The following TLX3 variants were observed in gnomAD, a reference collection of about 807,000 sequenced individuals.
The protein encoded by TLX3 is T cell leukemia homeobox 3.
TLX3 carries 11 observed loss-of-function variants against 19.6 expected under a neutral mutation model. The observed-to-expected ratio is 0.56, with a 90% CI of 0.35 to 0.93. TLX3 has a LOEUF of 0.93. TLX3 is among the 40% of genes least tolerant of loss of function. The pLI, the probability that TLX3 is intolerant of heterozygous loss-of-function variation, is 0.01. For missense variants in TLX3, 375 were observed against 418.6 expected (o/e 0.90, Z 0.91); for synonymous variants, 221 against 188.1 (o/e 1.17, Z -1.43).
chr5:171,310,738 A>G (rs1323169538), intron 2 of TLX3, among the ~76,000 whole-genome samples: 34 of 107,768 alleles, frequency 3.2e-4, no homozygotes, highest in Admixed American at 2.4e-3. Flanking sequence ...ACAGGCACAC[A>G]CACACACACA....
chr5:171,309,805 C>T lies in TLX3; in HGVS notation c.421+19C>T, dbSNP rs777666818. On this transcript the variant is annotated intron_variant, in intron 1 of 2. Coordinates refer to ENST00000296921, the MANE Select transcript of TLX3 (RefSeq NM_021025.4). ...TTCACAGGTGAGCAGAGCTGGCGAC[C>T]AGGCTCCAGGCCTCCGCCCTCTCGG... 1.9e-6 allele frequency: 3 copies of T among 1,565,060 alleles called. No individual in the cohort carries two copies. Among genetic ancestry groups the T allele is most frequent in the South Asian group, 1.2e-5 (1 of 84,518 alleles).
chr5:171,309,872 C>T, intron 1 of TLX3, 86 bp downstream of exon 1: 1 of 1,447,724 alleles, frequency 6.9e-7, no homozygotes, highest in South Asian at 1.4e-5. Context: ...TCCCGGAAAC[C>T]ATTTCAGAGG....
At position 171,310,364 on chromosome 5, in the gene TLX3, C is replaced by T; in HGVS notation, c.636C>T (p.Thr212=). The T allele has an allele frequency of 6.2e-7, 1 of 1,613,854 alleles. No homozygotes were observed. The highest frequency in any genetic ancestry group is 8.5e-7 in the Non-Finnish European group (1 of 1,179,954). Residue 212 remains threonine, a synonymous_variant, in exon 2 of 3, where the codon ACC becomes ACT. Transcript: ENST00000296921. ...SLKMTDAQVK[T]WFQNRRTKWR... The stretch of plus-strand genomic sequence containing the variant: ...AAATGACGGACGCGCAGGTCAAGAC[C>T]TGGTTCCAAAACCGGAGGACCAAGT...
intron 1 of TLX3, 144 bp from the exon 2 acceptor site, chr5:171,310,006 G>T: frequency 2.9e-6 from 4 of 1,371,494 alleles, no homozygotes; most frequent in South Asian, 3.0e-5. Context: ...GGGGTCTCCC[G>T]ACCGGCTTGG....
rs918472 is a variant in TLX3, at chr5:171,311,832, G to A, written c.*233G>A. 231,243 of 355,182 alleles carry A rather than the reference G, an allele frequency of 0.65. 79,109 individuals are homozygous for A. Among genetic ancestry groups the A allele is most frequent in the East Asian group, 0.77 (18,211 of 23,534 alleles). The allele number at this position is 355,182 out of a possible 1,614,324, so 22.0% of individuals were successfully genotyped here. A position where few individuals can be genotyped will look rare whatever the true frequency, so the allele number is the denominator to read the frequency against. ...CCGCGCCCCGTCCCGCCCCAGGCCC[G>A]GGCCTGACAAGAAAGCGCCTTACGT... On this transcript the variant is annotated 3_prime_UTR_variant, in exon 3 of 3. Transcript: ENST00000296921. The surrounding 1 kb of genome is among the most constrained non-coding windows in gnomAD (Gnocchi z 5.1).
rs765230540 is a variant in TLX3 at position 171,309,769 on chromosome 5, T to C, written c.404T>C (p.Val135Ala). ...TGGATGGAGAGCAGCCGCCGCTTCG[T>C]GAAAGACCGCTTCACAGGTGAGCAG... is the stretch of plus-strand genomic sequence containing the variant. Reference protein sequence around the residue: ...FPWMESSRRFVKDRFTAAAAL... With the variant: ...FPWMESSRRFAKDRFTAAAAL... The change falls in exon 1 of 3, where the codon GTG becomes GCG. Residue 135 changes from valine to alanine, a missense_variant. Physicochemically the swap from Val to Ala is moderately conservative, Grantham distance 64. Transcript: ENST00000296921. 5 of 1,605,488 alleles carry C rather than the reference T, an allele frequency of 3.1e-6. No homozygotes were observed. In the South Asian group the frequency reaches 3.3e-5, roughly 11 times the overall value.
chr5:171,311,379 C>T lies in TLX3; in HGVS notation c.666-10C>T. 6.5e-7 allele frequency: 1 copy of T among 1,549,890 alleles called. No individual in the cohort carries two copies. The highest frequency in any genetic ancestry group is 8.7e-7 in the Non-Finnish European group (1 of 1,147,284). ...ATGACGGTACTGTCCCTCTCCCTCC[C>T]CCGGTGCAGGCGGCAGACGGCGGAG... On this transcript the variant is annotated splice_polypyrimidine_tract_variant and intron_variant, in intron 2 of 2. Transcript: ENST00000296921. The surrounding 1 kb of genome is among the most constrained non-coding windows in gnomAD (Gnocchi z 5.1).
In TLX3 at chr5:171,311,985, CG is replaced by C; in HGVS notation, c.*391del. The stretch of plus-strand genomic sequence containing the variant: ...AGAAACCGGCCACCTGCTTCCCCCG[CG>C]GGGGCCGCTGGAGGAAGGGCAGCCG... On this transcript the variant is annotated 3_prime_UTR_variant, in exon 3 of 3. Coordinates refer to ENST00000296921, the MANE Select transcript of TLX3 (RefSeq NM_021025.4). This position sits in a 1 kb window ranked among gnomAD's most constrained non-coding sequence, Gnocchi z 5.1. The C allele has an allele frequency of 1.0e-5, 2 of 194,208 alleles. No homozygotes were observed. Among genetic ancestry groups the C allele is most frequent in the East Asian group, 1.6e-4 (2 of 12,726 alleles). The allele number at this position is 194,208 out of a possible 1,614,324, so 12.0% of individuals were successfully genotyped here. A position where few individuals can be genotyped will look rare whatever the true frequency, so the allele number is the denominator to read the frequency against.
rs1303439810 is a variant in TLX3 at position 171,311,463 on chromosome 5, C to A, written c.740C>A (p.Ala247Asp). The A allele has an allele frequency of 6.2e-7, 1 of 1,604,106 alleles. No homozygotes were observed. The highest frequency in any genetic ancestry group is 8.5e-7 in the Non-Finnish European group (1 of 1,175,650). Residue 247 changes from alanine (A) to aspartate (D), a missense_variant, in exon 3 of 3, where the codon GCC becomes GAC. Transcript: ENST00000296921. The surrounding 1 kb of genome is among the most constrained non-coding windows in gnomAD (Gnocchi z 5.1). The part of the protein sequence containing the change: ...SRLMLQLQHD[A>D]FQKSLNDSIQ... ...CTCATGCTGCAGCTGCAACACGACG[C>A]CTTCCAAAAGAGCCTCAACGACTCC...
Position 171,309,623 on chromosome 5 carries a change from C to T in TLX3, c.258C>T (p.Gly86=), listed in dbSNP as rs1473061548. The change falls in exon 1 of 3, where the codon GGC becomes GGT. Residue 86 remains glycine (G), a synonymous_variant. Transcript: ENST00000296921. ...TGAACCTGAGCCTAGCGCCCGCAGG[C>T]GTGATCCGGGTGCCGGCGCACAGGC... ...YSVNLSLAPA[G]VIRVPAHRPL... is the part of the protein sequence containing the mutation. 1.9e-6 allele frequency: 3 copies of T among 1,607,644 alleles called. No homozygotes were observed. Among genetic ancestry groups the T allele is most frequent in the Non-Finnish European group, 2.5e-6 (3 of 1,177,874 alleles).
intron 2 of TLX3, among the ~76,000 whole-genome samples, 170 bp downstream of exon 2, chr5:171,310,563 C>T (rs1041349929): frequency 6.7e-6 from 1 of 149,082 alleles, no homozygotes; most frequent in African/African-American, 2.5e-5. Flanking sequence ...TTCCTTTCAC[C>T]CTTCTCGCTG....
rs1043033043 is a variant in TLX3 at position 171,311,765 on chromosome 5, A to G, written c.*166A>G. The G allele has an allele frequency of 3.4e-3, 1,657 of 481,622 alleles. 26 individuals carry two copies. The highest frequency in any genetic ancestry group is 0.031 in the African/African-American group (1,516 of 48,344). The allele number at this position is 481,622 out of a possible 1,614,324, so 29.8% of individuals were successfully genotyped here. On this transcript the variant is annotated 3_prime_UTR_variant, in exon 3 of 3. Coordinates refer to ENST00000296921, the MANE Select transcript of TLX3 (RefSeq NM_021025.4). This position sits in a 1 kb window ranked among gnomAD's most constrained non-coding sequence, Gnocchi z 5.1. Reference sequence around the variant, plus strand: ...AGACTGGCGGGCCGCGGAAGGGGGTAGGGCCCGAGCTCCGCGCGGCCGCAC... The same window carrying G: ...AGACTGGCGGGCCGCGGAAGGGGGTGGGGCCCGAGCTCCGCGCGGCCGCAC...
rs1769233485 is a variant in TLX3, at chr5:171,312,013, C to G, written c.*414C>G. 1 of 193,928 alleles carries G rather than the reference C, an allele frequency of 5.2e-6. No individual in the cohort carries two copies. Among genetic ancestry groups the G allele is most frequent in the Non-Finnish European group, 1.1e-5 (1 of 92,656 alleles). The allele number at this position is 193,928 out of a possible 1,614,324, so 12.0% of individuals were successfully genotyped here. A position where few individuals can be genotyped will look rare whatever the true frequency, so the allele number is the denominator to read the frequency against. On this transcript the variant is annotated 3_prime_UTR_variant, in exon 3 of 3. Coordinates refer to ENST00000296921, the MANE Select transcript of TLX3 (RefSeq NM_021025.4). ...GGGCCGCTGGAGGAAGGGCAGCCGA[C>G]CCGGCCGCTGGGGGAAGTGCCAGGG...
In TLX3 at chr5:171,309,474, G is replaced by T. The variant is rs1387017173; in HGVS notation, c.109G>T (p.Gly37Cys). Residue 37 changes from glycine (G) to cysteine (C), a missense_variant, in exon 1 of 3, where the codon GGC becomes TGC. This residue lies in a region of TLX3 where 239 missense variants were observed against 217.0 expected (regional missense o/e 1.10). Transcript: ENST00000296921. ...CCAGGACAGCGCACCCGCCCCGCGGGGCCCCGACGGCGCCAGCTACCTGGG... is the reference window on the plus strand; with the variant it reads ...CCAGGACAGCGCACCCGCCCCGCGGTGCCCCGACGGCGCCAGCTACCTGGG... ...PDQDSAPAPR[G>C]PDGASYLGGP... 1.9e-6 allele frequency: 3 copies of T among 1,592,378 alleles called. No individual in the cohort carries two copies. The highest frequency in any genetic ancestry group is 2.7e-5 in the African/African-American group (2 of 73,266).
rs1581211592 is a variant in TLX3 at position 171,312,051 on chromosome 5, C to T, written c.*452C>T. On this transcript the variant is annotated 3_prime_UTR_variant, in exon 3 of 3. Coordinates refer to ENST00000296921, the MANE Select transcript of TLX3 (RefSeq NM_021025.4). ...GGAAGTGCCAGGGGCCCGGGGCACC[C>T]TGCGTTTAGGCTGGGTCCACTCTTC... The T allele has an allele frequency of 5.2e-6, 1 of 191,080 alleles. No homozygotes were observed. Among genetic ancestry groups the T allele is most frequent in the Non-Finnish European group, 1.1e-5 (1 of 90,654 alleles). 11.8% of individuals were successfully genotyped at this position (191,080 alleles called of 1,614,324 possible).
chr5:171,311,002 C>A lies in TLX3; in HGVS notation c.666-387C>A, dbSNP rs770523849. The stretch of plus-strand genomic sequence containing the variant: ...ACTGACCCAGCCCCCGGGCGTCGTG[C>A]GGGTGGTGCAGAGCCAGCCTGCTCA... On this transcript the variant is annotated intron_variant, in intron 2 of 2. Coordinates refer to ENST00000296921, the MANE Select transcript of TLX3 (RefSeq NM_021025.4). This position sits in a 1 kb window ranked among gnomAD's most constrained non-coding sequence, Gnocchi z 5.1. 4.6e-5 allele frequency among the ~76,000 whole-genome samples: 7 copies of A among 152,036 alleles called. No homozygotes were observed. The highest frequency in any genetic ancestry group is 1.9e-4 in the East Asian group (1 of 5,142).
In TLX3 at chr5:171,309,394, C is replaced by G; in HGVS notation, c.29C>G (p.Pro10Arg). The G allele has an allele frequency of 3.1e-6, 5 of 1,604,180 alleles. No homozygotes were observed. Among genetic ancestry groups the G allele is most frequent in the Non-Finnish European group, 4.2e-6 (5 of 1,176,586 alleles). The change falls in exon 1 of 3, where the codon CCG (proline) becomes CGG (arginine). Residue 10 changes from proline (P) to arginine (R), a missense_variant. This residue lies in a region of TLX3 where 239 missense variants were observed against 217.0 expected (regional missense o/e 1.10). Coordinates refer to ENST00000296921, the MANE Select transcript of TLX3 (RefSeq NM_021025.4). ...GAGGCGCCCGCCAGCGCGCAGACCC[C>G]GCACCCGCACGAGCCCATCAGCTTC... MEAPASAQT[P>R]HPHEPISFGI... is the part of the protein sequence containing the mutation.
Position 171,309,399 on chromosome 5 carries a change from C to G in TLX3, c.34C>G (p.Pro12Ala), listed in dbSNP as rs556389857. The change falls in exon 1 of 3, where the codon CCG becomes GCG. Residue 12 changes from proline to alanine, a missense_variant. By Grantham distance (27) the Pro-to-Ala change is conservative. This residue lies in a region of TLX3 where 239 missense variants were observed against 217.0 expected (regional missense o/e 1.10). Transcript: ENST00000296921. ...EAPASAQTPHPHEPISFGIDQ... is the reference protein window; with the variant it reads ...EAPASAQTPHAHEPISFGIDQ... ...GCCCGCCAGCGCGCAGACCCCGCAC[C>G]CGCACGAGCCCATCAGCTTCGGCAT... is the stretch of plus-strand genomic sequence containing the variant. The G allele has an allele frequency of 2.5e-6, 4 of 1,604,888 alleles. No homozygotes were observed. The highest frequency in any genetic ancestry group is 2.2e-5 in the South Asian group (2 of 90,722).
chr5:171,311,437 G>A lies in TLX3; in HGVS notation c.714G>A (p.Arg238=). The A allele has an allele frequency of 6.3e-7, 1 of 1,579,550 alleles. No homozygotes were observed. The highest frequency in any genetic ancestry group is 1.2e-5 in the South Asian group (1 of 86,560). Residue 238 remains arginine, a synonymous_variant, in exon 3 of 3, where the codon CGG becomes CGA. Transcript: ENST00000296921. This position sits in a 1 kb window ranked among gnomAD's most constrained non-coding sequence, Gnocchi z 5.1. The part of the protein sequence containing the change: ...EREAERQQAS[R]LMLQLQHDAF... ...AGGCGGAGCGGCAGCAGGCGAGCCG[G>A]CTCATGCTGCAGCTGCAACACGACG...
Sources: gnomAD v4.1 joint callset for allele counts (sites outside exome capture counted in the v4.1 genomes callset) on GRCh38, gnomAD v4.1.1 for gene constraint, gnomAD v4.1.1 regional missense constraint, Gnocchi (gnomAD v3.1) non-coding constraint, MANE v1.5 for transcripts, NCBI Gene and HGNC (gene_info 2026-07-23, HGNC 2026-07-21) for gene names.